The following GPC3 variants were observed in gnomAD, a reference collection of about 807,000 sequenced individuals.
The protein encoded by GPC3 is glypican 3.
Under a neutral mutation model 34.4 loss-of-function variants are expected in GPC3, and 3 were observed. That is an observed-to-expected ratio of 0.09 (90% CI 0.04 to 0.23). The LOEUF (loss-of-function observed/expected upper bound fraction) is 0.23, where lower values mean the gene tolerates loss of function less well. Among genes scored for constraint, GPC3 ranks in the 10% least tolerant of loss-of-function variants. The pLI is 1.00. For synonymous variants in GPC3, 177 were observed against 174.0 expected, an observed-to-expected ratio of 1.02 and a Z score of -0.13; for missense variants, 351 against 445.6, an observed-to-expected ratio of 0.79 and a Z score of 1.91.
intron 2 of GPC3, among the ~76,000 whole-genome samples, chrX:133,827,053 T>C (rs1329018189): frequency 9.0e-6 from 1 of 111,523 alleles, no homozygotes; most frequent in African/African-American, 3.3e-5. Flanking sequence ...TGAACAACAT[T>C]GTGAATGAAC....
chrX:133,561,865 T>A (rs914907093), intron 7 of GPC3, among the ~76,000 whole-genome samples: 10 of 112,396 alleles, frequency 8.9e-5, no homozygotes, highest in South Asian at 3.6e-4. Flanking sequence ...TAGTTTTAGT[T>A]GAACACCTGA....
At chrX:133,789,211 A>G (rs1321724645) in intron 2 of GPC3, among the ~76,000 whole-genome samples, 2 of 111,784 alleles carry the variant, frequency 1.8e-5, no homozygotes, top group Non-Finnish European at 3.8e-5. Flanking sequence ...AGATTCACAC[A>G]TTCTCTGGCC....
chrX:133,977,137 G>T (rs1293364985), intron 1 of GPC3, among the ~76,000 whole-genome samples: 2 of 110,583 alleles, frequency 1.8e-5, no homozygotes, highest in Admixed American at 9.7e-5. Context: ...AAGCTCTCTA[G>T]ACTATGTCTT....
rs138235191 is a variant in GPC3, at chrX:133,690,794, G to A, written c.1292+1575C>T. On this transcript the variant is annotated intron_variant, in intron 5 of 7. Transcript: ENST00000370818. ...TAGATGGGGGAAACCAAGGCCTAGA[G>A]AGATTAAGTCACTTGCCTTTGGTTA... Among the ~76,000 whole-genome samples, 464 of 111,922 alleles carry A rather than the reference G, an allele frequency of 4.1e-3. 1 individual carries two copies. Among genetic ancestry groups the A allele is most frequent in the Non-Finnish European group, 6.7e-3 (357 of 53,173 alleles).
Position 133,549,634 on chromosome X carries a change from C to T in GPC3, c.1574-13341G>A, listed in dbSNP as rs186326226. Among the ~76,000 whole-genome samples the T allele has an allele frequency of 6.8e-3, 668 of 98,703 alleles. 5 individuals carry two copies. Among genetic ancestry groups the T allele is most frequent in the Middle Eastern group, 0.022 (4 of 183 alleles). 85.7% of individuals were successfully genotyped at this position (98,703 alleles called of 115,157 possible). ...GCCTCTCTCTCTCTCTCCCTCCCTC[C>T]CCCCTCTTTATCTCTCTCTCTCTTC... is the stretch of plus-strand genomic sequence containing the variant. On this transcript the variant is annotated intron_variant, in intron 7 of 7. Transcript: ENST00000370818.
chrX:133,892,219 A>G (rs946895692), intron 2 of GPC3, among the ~76,000 whole-genome samples: 1 of 111,792 alleles, frequency 8.9e-6, no homozygotes, highest in Non-Finnish European at 1.9e-5. Context: ...TTTGAATAAA[A>G]CACCATGAAA....
intron 2 of GPC3, among the ~76,000 whole-genome samples, chrX:133,829,176 A>C (rs1401353859): frequency 8.9e-6 from 1 of 112,098 alleles, no homozygotes; most frequent in East Asian, 2.8e-4. Flanking sequence ...AACCAAAAGG[A>C]GAGCTAAAGT....
At chrX:133,556,291 C>A (rs1569381417) in intron 7 of GPC3, among the ~76,000 whole-genome samples, 1 of 109,515 alleles carries the variant, frequency 9.1e-6, no homozygotes. Flanking sequence ...AAAGAGAGCC[C>A]CCTTTCACCT....
At chrX:133,554,957 C>T (rs970110896) in intron 7 of GPC3, among the ~76,000 whole-genome samples, 1 of 112,500 alleles carries the variant, frequency 8.9e-6, no homozygotes, top group Non-Finnish European at 1.9e-5. Flanking sequence ...CATTTTGTTT[C>T]TAACACAGCC....
intron 6 of GPC3, among the ~76,000 whole-genome samples, chrX:133,602,562 T>C (rs767293562): frequency 1.8e-5 from 2 of 111,791 alleles, no homozygotes; most frequent in Non-Finnish European, 3.8e-5. Context: ...GTGGCAAAAT[T>C]GTCTTCTACA....
intron 2 of GPC3, among the ~76,000 whole-genome samples, chrX:133,866,256 C>A (rs190913666): frequency 8.9e-6 from 1 of 111,881 alleles, no homozygotes; most frequent in African/African-American, 3.3e-5. Context: ...CCTTTTAGTG[C>A]ACAACTGAGC....
intron 6 of GPC3, among the ~76,000 whole-genome samples, chrX:133,630,391 T>C (rs1358832970): frequency 8.9e-6 from 1 of 111,757 alleles, no homozygotes; most frequent in Non-Finnish European, 1.9e-5. Flanking sequence ...ACTAGCAAAC[T>C]CTCGTTTTGA....
At chrX:133,781,799 C>T (rs1007037492) in intron 2 of GPC3, among the ~76,000 whole-genome samples, 13 of 111,309 alleles carry the variant, frequency 1.2e-4, no homozygotes, top group African/African-American at 1.6e-4. Context: ...AGTGAGTGCC[C>T]GCTCTGTGCC....
At chrX:133,672,901 C>T (rs763979448) in intron 5 of GPC3, among the ~76,000 whole-genome samples, 3 of 108,123 alleles carry the variant, frequency 2.8e-5, no homozygotes, top group African/African-American at 1.0e-4. Flanking sequence ...CCGCCTGCCT[C>T]GGCCTCCCAA....
At chrX:133,543,889 C>A (rs1430363834) in intron 7 of GPC3, among the ~76,000 whole-genome samples, 1 of 112,147 alleles carries the variant, frequency 8.9e-6, no homozygotes, top group Non-Finnish European at 1.9e-5. Context: ...GGGATTCACT[C>A]ACCCTTCTCT....
chrX:133,753,139 C>T (rs562314982), intron 3 of GPC3, among the ~76,000 whole-genome samples: 1 of 112,072 alleles, frequency 8.9e-6, no homozygotes, highest in South Asian at 3.7e-4. Flanking sequence ...CAACATTTAT[C>T]GAAGACTTAC....
intron 2 of GPC3, among the ~76,000 whole-genome samples, chrX:133,869,912 G>A (rs762671143): frequency 1.4e-3 from 160 of 112,314 alleles, no homozygotes; most frequent in African/African-American, 5.2e-3. Flanking sequence ...CCGAGATCAC[G>A]CCTCTGCACT....
chrX:133,642,598 C>A (rs1479833412), intron 6 of GPC3, among the ~76,000 whole-genome samples: 3 of 108,772 alleles, frequency 2.8e-5, no homozygotes, highest in African/African-American at 1.0e-4. Flanking sequence ...ATGGAGAAAC[C>A]CCGTCTCTAC....
At chrX:133,537,474 A>G (rs1229598857) in intron 7 of GPC3, among the ~76,000 whole-genome samples, 1 of 111,379 alleles carries the variant, frequency 9.0e-6, no homozygotes, top group African/African-American at 3.3e-5. Flanking sequence ...ACAGGAAGAA[A>G]GCGTGGGGAC....
Sources: allele counts gnomAD v4.1 joint callset (sites outside exome capture counted in the v4.1 genomes callset), GRCh38; gene constraint gnomAD v4.1.1; transcripts MANE v1.5; gene names NCBI Gene and HGNC (gene_info 2026-07-23, HGNC 2026-07-21).